FMN1: variants seen among roughly 807,000 people sequenced by gnomAD.
FMN1 encodes the protein formin 1, also known as formin-1.
In FMN1, 110 loss-of-function variants were observed where a neutral mutation model predicts 132.4. The ratio of observed to expected loss-of-function variants is 0.83; its 90% CI spans 0.71 to 0.97. The LOEUF (loss-of-function observed/expected upper bound fraction) is 0.97. Among genes scored for constraint, FMN1 ranks in the 50% least tolerant of loss-of-function variants. The pLI, the probability that FMN1 is intolerant of heterozygous loss-of-function variation, is 0.00. For synonymous variants in FMN1, 722 were observed against 651.7 expected, an observed-to-expected ratio of 1.11 and a Z score of -1.64; for missense variants, 1,792 against 1,705.3, an observed-to-expected ratio of 1.05 and a Z score of -0.90.
chr15:32,847,146 T>C (rs1466800110), intron 17 of FMN1, among the ~76,000 whole-genome samples: 1 of 152,206 alleles, frequency 6.6e-6, no homozygotes, highest in Non-Finnish European at 1.5e-5. Flanking sequence ...AGGTTGTCCT[T>C]AGTAATACTT....
At chr15:32,966,952 G>A (rs1234317888) in intron 8 of FMN1, among the ~76,000 whole-genome samples, 1 of 152,158 alleles carries the variant, frequency 6.6e-6, no homozygotes, top group East Asian at 1.9e-4. Context: ...CATAATAAAA[G>A]AACTTGAATA....
chr15:33,066,545 G>C, intron 5 of FMN1: 1 of 1,593,378 alleles, frequency 6.3e-7, no homozygotes, highest in South Asian at 1.1e-5. Context: ...CGCTGGCTTA[G>C]AATTGGACCG....
chr15:32,810,901 A>C, intron 17 of FMN1: 1 of 453,640 alleles, frequency 2.2e-6, no homozygotes, highest in Non-Finnish European at 4.4e-6. Flanking sequence ...ACAGTTAAGA[A>C]GTTGTTTTTA....
At chr15:32,890,969 T>G (rs1037218996) in intron 15 of FMN1, among the ~76,000 whole-genome samples, 1 of 152,210 alleles carries the variant, frequency 6.6e-6, no homozygotes, top group Non-Finnish European at 1.5e-5. Context: ...TAGCCAATTA[T>G]CCCAGCACCA....
chr15:33,100,829 G>C (rs1407005991), intron 4 of FMN1, among the ~76,000 whole-genome samples: 1 of 151,996 alleles, frequency 6.6e-6, no homozygotes, highest in Non-Finnish European at 1.5e-5. Flanking sequence ...AAAAAAGTGG[G>C]AAACAAAACA....
At chr15:32,902,096 AAGAC>A in intron 12 of FMN1, 56 bp from the exon 13 acceptor site, 2 of 1,515,202 alleles carry the variant, frequency 1.3e-6, no homozygotes, top group Admixed American at 2.0e-5. Flanking sequence ...GGAAAATAAA[AAGAC>A]AGCTGAAAAA....
chr15:33,194,307 A>C (rs1966192561), intron 1 of FMN1, among the ~76,000 whole-genome samples: 1 of 128,296 alleles, frequency 7.8e-6, no homozygotes, highest in Admixed American at 8.3e-5. Flanking sequence ...TGGCGGGTCA[A>C]GGGGGCTGGG....
intron 15 of FMN1, among the ~76,000 whole-genome samples, chr15:32,895,434 T>C (rs753587248): frequency 6.6e-6 from 1 of 151,966 alleles, no homozygotes; most frequent in Non-Finnish European, 1.5e-5. Flanking sequence ...TGTGTTCCTG[T>C]AGGTAGGAAC....
intron 4 of FMN1, among the ~76,000 whole-genome samples, chr15:33,139,015 A>G (rs1463061354): frequency 2.0e-5 from 3 of 152,186 alleles, no homozygotes; most frequent in Non-Finnish European, 4.4e-5. Context: ...CAAGCCCACA[A>G]TTTTCCAGTC....
chr15:33,111,066 C>T (rs1451524102), intron 4 of FMN1, among the ~76,000 whole-genome samples: 1 of 151,906 alleles, frequency 6.6e-6, no homozygotes, highest in African/African-American at 2.4e-5. Context: ...CTATTCCTGA[C>T]CTTACATTCA....
chr15:32,972,175 T>A (rs529997585), intron 7 of FMN1, among the ~76,000 whole-genome samples: 1 of 152,304 alleles, frequency 6.6e-6, no homozygotes, highest in East Asian at 1.9e-4. Flanking sequence ...TCATTATTAT[T>A]CTCTCTCTAA....
intron 3 of FMN1, among the ~76,000 whole-genome samples, chr15:33,157,756 C>T (rs1468651722): frequency 1.3e-5 from 2 of 152,048 alleles, no homozygotes; most frequent in South Asian, 2.1e-4. Flanking sequence ...CGTTGGGAGG[C>T]CAAGGCGGGA....
intron 17 of FMN1, among the ~76,000 whole-genome samples, chr15:32,850,314 A>G: frequency 6.6e-6 from 1 of 152,202 alleles, no homozygotes; most frequent in East Asian, 1.9e-4. Context: ...AGATTATGTA[A>G]TAACCTGCTC....
At chr15:32,866,414 C>A (rs1382123385) in intron 16 of FMN1, among the ~76,000 whole-genome samples, 1 of 152,036 alleles carries the variant, frequency 6.6e-6, no homozygotes, top group Admixed American at 6.6e-5. Context: ...ATTTTGTATG[C>A]TGAATAGTAA....
chr15:33,065,834 G>C (rs2037699937), intron 5 of FMN1, among the ~76,000 whole-genome samples: 1 of 152,130 alleles, frequency 6.6e-6, no homozygotes, highest in Non-Finnish European at 1.5e-5. Flanking sequence ...ACCTGAGTTA[G>C]TTTTCTTTGA....
intron 6 of FMN1, among the ~76,000 whole-genome samples, chr15:33,044,317 C>G (rs969688235): frequency 2.6e-5 from 4 of 152,350 alleles, no homozygotes; most frequent in Middle Eastern, 3.4e-3. Context: ...GCCCCACCTT[C>G]AAGCTGGGGA....
At chr15:33,017,138 T>TAA (rs112219032) in intron 6 of FMN1, among the ~76,000 whole-genome samples, 12,255 of 147,050 alleles carry the variant, frequency 0.083, 764 homozygotes, top group African/African-American at 0.19. Flanking sequence ...AAGCATAATT[T>TAA]AAAAAAAAAA....
chr15:33,062,637 A>G (rs745400756), intron 6 of FMN1: 11 of 152,144 alleles, frequency 7.2e-5, no homozygotes, highest in Admixed American at 5.9e-4. Flanking sequence ...AATAGTAATA[A>G]TAATAATCGG....
At chr15:33,002,018 TTTCCC>T (rs2034149091) in intron 7 of FMN1, among the ~76,000 whole-genome samples, 1 of 152,164 alleles carries the variant, frequency 6.6e-6, no homozygotes. Context: ...AATTAAGTGA[TTTCCC>T]TTCAAGTGTA....
Sources: allele counts gnomAD v4.1 joint callset (sites outside exome capture counted in the v4.1 genomes callset), GRCh38; gene constraint gnomAD v4.1.1; transcripts MANE v1.5; gene names NCBI Gene and HGNC (gene_info 2026-07-23, HGNC 2026-07-21).